PDE8B: variants seen among roughly 807,000 people sequenced by gnomAD.
PDE8B encodes high affinity cAMP-specific and IBMX-insensitive 3',5'-cyclic phosphodiesterase 8B.
PDE8B carries 26 observed loss-of-function variants against 101.3 expected under a neutral mutation model. The ratio of observed to expected loss-of-function variants is 0.26; its 90% CI spans 0.19 to 0.36. The LOEUF (loss-of-function observed/expected upper bound fraction) is 0.36, where lower values mean the gene tolerates loss of function less well. PDE8B is among the 10% of genes least tolerant of loss of function. The pLI, the probability that PDE8B is intolerant of heterozygous loss-of-function variation, is 1.00. For missense variants in PDE8B, 810 were observed against 1,163.1 expected (o/e 0.70, Z 4.42); for synonymous variants, 424 against 429.3 (o/e 0.99, Z 0.15).
chr5:77,322,676 G>A (rs561509636), intron 2 of PDE8B, among the ~76,000 whole-genome samples: 13 of 152,250 alleles, frequency 8.5e-5, no homozygotes, highest in Admixed American at 1.3e-4. Context: ...TTCTCAGCAG[G>A]ACCTATTCTA....
intron 4 of PDE8B, among the ~76,000 whole-genome samples, chr5:77,330,257 G>A (rs1430519672): frequency 6.6e-6 from 1 of 152,108 alleles, no homozygotes; most frequent in African/African-American, 2.4e-5. Flanking sequence ...TTTTTCCCAA[G>A]CCTGGCTATT....
the PDE8B span, among the ~76,000 whole-genome samples, chr5:77,094,547 C>T: frequency 6.6e-6 from 1 of 152,150 alleles, no homozygotes; most frequent in Non-Finnish European, 1.5e-5. Flanking sequence ...CTCAAGTGAT[C>T]CTCTCATTTT....
rs115690026 is a variant in PDE8B at position 77,230,187 on chromosome 5, C to G, written c.339+18923C>G. 3.8e-3 allele frequency among the ~76,000 whole-genome samples: 579 copies of G among 152,252 alleles called. 2 individuals are homozygous for G. The highest frequency in any genetic ancestry group is 0.013 in the African/African-American group (550 of 41,556). On this transcript the variant is annotated intron_variant, in intron 1 of 21. Transcript: ENST00000264917. Reference sequence around the variant, plus strand: ...ATTTGCATTTCCCTGATGACTCATTCAAGGTTGTTTTTAAGAATTAAATAA... The same window carrying G: ...ATTTGCATTTCCCTGATGACTCATTGAAGGTTGTTTTTAAGAATTAAATAA...
chr5:77,238,408 T>C (rs1409614473), intron 1 of PDE8B, among the ~76,000 whole-genome samples: 2 of 152,232 alleles, frequency 1.3e-5, no homozygotes, highest in Non-Finnish European at 2.9e-5. Flanking sequence ...CATCAGATTT[T>C]CATTTGATTC....
intron 4 of PDE8B, 88 bp from the exon 5 acceptor site, chr5:77,331,314 T>C (rs1777078188): frequency 8.7e-7 from 1 of 1,152,846 alleles, no homozygotes; most frequent in Non-Finnish European, 1.3e-6. Flanking sequence ...GCTAACGCTG[T>C]GTGGCCTCAT....
At chr5:77,247,036 A>G (rs547749039) in intron 1 of PDE8B, among the ~76,000 whole-genome samples, 1 of 152,250 alleles carries the variant, frequency 6.6e-6, no homozygotes, top group South Asian at 2.1e-4. Flanking sequence ...TCTTGTCAAC[A>G]GTGCTTTAAT....
intron 6 of PDE8B, among the ~76,000 whole-genome samples, chr5:77,337,972 C>A (rs897243471): frequency 4.6e-5 from 7 of 152,190 alleles, no homozygotes; most frequent in African/African-American, 1.7e-4. Context: ...CCTGGTTTTG[C>A]TCAGGCTCCA....
Position 77,298,382 on chromosome 5 carries a change from C to T in PDE8B, c.340-13612C>T, listed in dbSNP as rs374711774. Among the ~76,000 whole-genome samples, 249 of 152,196 alleles carry T rather than the reference C, an allele frequency of 1.6e-3. 2 individuals are homozygous for T. The highest frequency in any genetic ancestry group is 5.7e-3 in the African/African-American group (237 of 41,514). Reference sequence around the variant, plus strand: ...TTTCTTCCTGTTCTTGAAATTGTGACGGTTTGGAAAGAGATGGGGAGAATA... The same window carrying T: ...TTTCTTCCTGTTCTTGAAATTGTGATGGTTTGGAAAGAGATGGGGAGAATA... On this transcript the variant is annotated intron_variant, in intron 1 of 21. Coordinates refer to ENST00000264917, the MANE Select transcript of PDE8B (RefSeq NM_003719.5).
At chr5:77,143,024 G>A in the PDE8B span, among the ~76,000 whole-genome samples, 1 of 152,100 alleles carries the variant, frequency 6.6e-6, no homozygotes, top group Non-Finnish European at 1.5e-5. Context: ...ATCTGAGTGA[G>A]GCAGCACCCT....
intron 1 of PDE8B, among the ~76,000 whole-genome samples, chr5:77,275,903 G>T (rs952732781): frequency 6.6e-6 from 1 of 152,228 alleles, no homozygotes; most frequent in Non-Finnish European, 1.5e-5. Context: ...ACTTAAAGAT[G>T]ATATGAAGTG....
intron 16 of PDE8B, among the ~76,000 whole-genome samples, 153 bp from the exon 17 acceptor site, chr5:77,412,949 GAGAGATCCT>G (rs1292282599): frequency 1.3e-5 from 2 of 152,148 alleles, no homozygotes; most frequent in Non-Finnish European, 2.9e-5. Context: ...TGGTGAGAAG[GAGAGATCCT>G]ACCTCCTAAT....
the PDE8B span, among the ~76,000 whole-genome samples, chr5:77,137,284 A>G: frequency 6.6e-6 from 1 of 152,210 alleles, no homozygotes; most frequent in Non-Finnish European, 1.5e-5. Context: ...CCCAGGAGAG[A>G]CTGGCCTAGC....
chr5:77,407,313 A>C, intron 12 of PDE8B, 68 bp from the exon 13 acceptor site: 1 of 1,154,038 alleles, frequency 8.7e-7, no homozygotes, highest in Non-Finnish European at 1.3e-6. Flanking sequence ...CCATGAAGGG[A>C]CTCCTTTGCT....
At chr5:77,347,987 G>A (rs910534060) in intron 7 of PDE8B, among the ~76,000 whole-genome samples, 2 of 152,124 alleles carry the variant, frequency 1.3e-5, no homozygotes, top group Non-Finnish European at 2.9e-5. Context: ...AATGGGGCCA[G>A]GAGGGGGTCT....
At chr5:77,390,360 AG>A (rs1226879320) in intron 10 of PDE8B, among the ~76,000 whole-genome samples, 5 of 152,220 alleles carry the variant, frequency 3.3e-5, no homozygotes, top group African/African-American at 1.2e-4. Context: ...TAAGCCTCCA[AG>A]GACTTGCTGA....
intron 10 of PDE8B, among the ~76,000 whole-genome samples, chr5:77,353,744 A>G (rs1386278325): frequency 6.6e-6 from 1 of 152,192 alleles, no homozygotes; most frequent in Non-Finnish European, 1.5e-5. Context: ...TATCCATTTG[A>G]GCATTGCACC....
chr5:77,219,408 T>C (rs942094347), intron 1 of PDE8B, among the ~76,000 whole-genome samples: 1 of 152,230 alleles, frequency 6.6e-6, no homozygotes, highest in Non-Finnish European at 1.5e-5. Flanking sequence ...TGGAAATTTT[T>C]ATAGGAAGAT....
chr5:77,353,240 GACGAAC>G (rs1326883748), intron 9 of PDE8B, 100 bp from the exon 10 acceptor site: 37 of 744,652 alleles, frequency 5.0e-5, no homozygotes, highest in Admixed American at 3.4e-4. Flanking sequence ...ACTGCCCTAG[GACGAAC>G]CCTGGAGTTT....
intron 10 of PDE8B, among the ~76,000 whole-genome samples, chr5:77,373,224 CTTA>C: frequency 6.6e-6 from 1 of 152,096 alleles, no homozygotes; most frequent in Admixed American, 6.6e-5. Flanking sequence ...TGTTCTTATC[CTTA>C]TTATTTCCTG....
Sources: allele counts gnomAD v4.1 joint callset (sites outside exome capture counted in the v4.1 genomes callset), GRCh38; gene constraint gnomAD v4.1.1; transcripts MANE v1.5; gene names NCBI Gene and HGNC (gene_info 2026-07-23, HGNC 2026-07-21).